The following MAF variants were observed in gnomAD, a reference collection of about 807,000 sequenced individuals.
MAF encodes MAF bZIP transcription factor, also known as transcription factor Maf.
A neutral mutation model predicts 22.0 loss-of-function variants in MAF; 10 were observed. The ratio of observed to expected loss-of-function variants is 0.45; its 90% confidence interval spans 0.28 to 0.77. The LOEUF (loss-of-function observed/expected upper bound fraction) is 0.77, where lower values mean the gene tolerates loss of function less well. Ranked by LOEUF, MAF falls within the 30% of genes least tolerant of loss-of-function variation. MAF has a pLI of 0.12. For missense variants in MAF, 544 were observed against 548.4 expected (o/e 0.99, Z 0.08); for synonymous variants, 337 against 255.8 (o/e 1.32, Z -3.03).
chr16:79,306,772 A>G, the MAF span, among the ~76,000 whole-genome samples: 6 of 152,130 alleles, frequency 3.9e-5, no homozygotes, highest in Admixed American at 1.3e-4. Flanking sequence ...TCTTCAACAT[A>G]AAGTAGTGAC....
the MAF span, among the ~76,000 whole-genome samples, chr16:79,240,486 GGAAAAAA>G: frequency 4.6e-5 from 2 of 43,930 alleles, no homozygotes; most frequent in Non-Finnish European, 8.8e-5. Context: ...AAGCATCTCT[GGAAAAAA>G]AAAAAAAAAA....
the MAF span, chr16:79,211,897 C>G: frequency 6.4e-7 from 1 of 1,563,446 alleles, no homozygotes; most frequent in Non-Finnish European, 8.6e-7. Flanking sequence ...CAACACAGAT[C>G]CGCAAGAGTA....
At chr16:79,431,587 T>G in the MAF span, among the ~76,000 whole-genome samples, 2 of 152,198 alleles carry the variant, frequency 1.3e-5, no homozygotes, top group African/African-American at 4.8e-5. Flanking sequence ...TTATTCACAG[T>G]GCCATTTGAA....
chr16:79,230,435 G>A, the MAF span, among the ~76,000 whole-genome samples: 2 of 152,158 alleles, frequency 1.3e-5, no homozygotes, highest in African/African-American at 4.8e-5. Flanking sequence ...ACGAAGCCCA[G>A]CCTAGACCCT....
chr16:79,208,365 A>T, the MAF span, among the ~76,000 whole-genome samples: 1 of 137,926 alleles, frequency 7.3e-6, no homozygotes, highest in African/African-American at 2.7e-5. Context: ...CAGGCTTCTG[A>T]TAAATGATTG....
the MAF span, among the ~76,000 whole-genome samples, chr16:79,430,933 G>T: frequency 1.3e-5 from 2 of 152,200 alleles, no homozygotes; most frequent in African/African-American, 2.4e-5. Context: ...TTGGGGCAGT[G>T]GGGAATTCTT....
At chr16:79,257,858 T>C in the MAF span, among the ~76,000 whole-genome samples, 4 of 152,312 alleles carry the variant, frequency 2.6e-5, no homozygotes, top group African/African-American at 9.6e-5. Context: ...ATTGATGCTA[T>C]TTTTGAAAGG....
At chr16:79,433,280 AT>A in the MAF span, among the ~76,000 whole-genome samples, 2,842 of 112,774 alleles carry the variant, frequency 0.025, 56 homozygotes, top group African/African-American at 0.059. Flanking sequence ...AAAAAAAAAT[AT>A]ATATATATAT....
the MAF span, among the ~76,000 whole-genome samples, chr16:79,415,077 G>T: frequency 6.6e-6 from 1 of 152,312 alleles, no homozygotes; most frequent in Non-Finnish European, 1.5e-5. Flanking sequence ...AACCTCAAAG[G>T]ACTGTGTGCC....
chr16:79,418,386 C>G, the MAF span, among the ~76,000 whole-genome samples: 1 of 152,018 alleles, frequency 6.6e-6, no homozygotes, highest in Admixed American at 6.6e-5. Context: ...ATACCTGTGT[C>G]CTACGTTGGG....
the MAF span, among the ~76,000 whole-genome samples, chr16:79,317,591 C>G: frequency 6.6e-6 from 1 of 151,824 alleles, no homozygotes; most frequent in African/African-American, 2.4e-5. Context: ...TCCTTTCTAC[C>G]ACAAATTCTT....
the MAF span, among the ~76,000 whole-genome samples, chr16:79,424,388 T>A: frequency 1.3e-5 from 2 of 152,190 alleles, no homozygotes; most frequent in African/African-American, 4.8e-5. Context: ...GGTTTCTTTC[T>A]CCATCAAATG....
At chr16:79,431,639 G>A in the MAF span, among the ~76,000 whole-genome samples, 1 of 152,130 alleles carries the variant, frequency 6.6e-6, no homozygotes, top group Admixed American at 6.5e-5. Context: ...GAATCACTGT[G>A]TCCTTCTTCC....
At chr16:79,584,518 C>G (rs988798421), downstream of MAF, among the ~76,000 whole-genome samples, 1 of 152,114 alleles carries the variant, frequency 6.6e-6, no homozygotes, top group Non-Finnish European at 1.5e-5. Flanking sequence ...TGAAATATTA[C>G]CAGGGGGTAA....
the MAF span, among the ~76,000 whole-genome samples, chr16:79,563,999 C>T: frequency 1.6e-4 from 24 of 152,216 alleles, no homozygotes; most frequent in African/African-American, 5.8e-4. Context: ...TAATCTAGTT[C>T]ATAATTCCAC....
At chr16:79,391,850 G>A in the MAF span, among the ~76,000 whole-genome samples, 1 of 150,216 alleles carries the variant, frequency 6.7e-6, no homozygotes, top group Non-Finnish European at 1.5e-5. Flanking sequence ...GTGGGGGAAA[G>A]AGAGAGAAGA....
At chr16:79,301,978 G>A in the MAF span, among the ~76,000 whole-genome samples, 1 of 152,228 alleles carries the variant, frequency 6.6e-6, no homozygotes, top group Admixed American at 6.5e-5. Context: ...CTATGCCGAA[G>A]CCTGATGGCT....
At chr16:79,286,794 C>T in the MAF span, among the ~76,000 whole-genome samples, 12 of 152,192 alleles carry the variant, frequency 7.9e-5, no homozygotes, top group African/African-American at 4.8e-5. Flanking sequence ...TCCCACACAA[C>T]CCAGGACACA....
At chr16:79,470,052 G>A in the MAF span, among the ~76,000 whole-genome samples, 4 of 152,280 alleles carry the variant, frequency 2.6e-5, no homozygotes, top group Middle Eastern at 3.4e-3. Flanking sequence ...CCTTCTGCTC[G>A]CCATCCTCCA....
Sources: gnomAD v4.1 joint callset for allele counts (sites outside exome capture counted in the v4.1 genomes callset) on GRCh38, gnomAD v4.1.1 for gene constraint, MANE v1.5 for transcripts, NCBI Gene and HGNC (gene_info 2026-07-23, HGNC 2026-07-21) for gene names.